The following POU6F2 variants were observed in gnomAD, a reference collection of about 807,000 sequenced individuals.
The protein encoded by POU6F2 is POU class 6 homeobox 2, also known as POU domain, class 6, transcription factor 2.
In POU6F2, 31 loss-of-function variants were observed where a neutral mutation model predicts 71.3. The observed-to-expected ratio is 0.43, with a 90% CI of 0.33 to 0.59. The LOEUF is 0.59. Among genes scored for constraint, POU6F2 ranks in the 20% least tolerant of loss-of-function variants. The pLI, the probability that POU6F2 is intolerant of heterozygous loss-of-function variation, is 0.04. For synonymous variants in POU6F2, 347 were observed against 355.7 expected (o/e 0.98, Z 0.27); for missense variants, 783 against 856.8 (o/e 0.91, Z 1.07).
At chr7:39,088,250 T>C (rs1312073195) in intron 2 of POU6F2, among the ~76,000 whole-genome samples, 4 of 151,680 alleles carry the variant, frequency 2.6e-5, no homozygotes, top group Non-Finnish European at 2.9e-5. Flanking sequence ...AAAGAAAGAA[T>C]AGAAAGGATC....
At chr7:39,183,786 A>G (rs550476969) in intron 2 of POU6F2, among the ~76,000 whole-genome samples, 11 of 152,342 alleles carry the variant, frequency 7.2e-5, no homozygotes, top group African/African-American at 1.9e-4. Flanking sequence ...ACCTTTTTCT[A>G]TAGCTTCCAT....
chr7:39,393,007 G>A (rs532132570), intron 5 of POU6F2, among the ~76,000 whole-genome samples: 1 of 152,182 alleles, frequency 6.6e-6, no homozygotes, highest in Admixed American at 6.5e-5. Flanking sequence ...TTTTGCTCTT[G>A]GTGAGATTAA....
chr7:39,292,043 A>C (rs955722323), intron 4 of POU6F2, among the ~76,000 whole-genome samples: 4 of 152,022 alleles, frequency 2.6e-5, no homozygotes, highest in South Asian at 2.1e-4. Flanking sequence ...GGGGGAAAAA[A>C]ACTGAGAAGG....
chr7:39,243,353 T>C (rs759737806), intron 4 of POU6F2, among the ~76,000 whole-genome samples: 4 of 152,028 alleles, frequency 2.6e-5, no homozygotes, highest in African/African-American at 9.7e-5. Flanking sequence ...ATACCTCCAC[T>C]GCACCCCCTG....
At chr7:39,181,971 A>C (rs1793444519) in intron 2 of POU6F2, among the ~76,000 whole-genome samples, 1 of 152,136 alleles carries the variant, frequency 6.6e-6, no homozygotes. Context: ...TTCTCTCTTA[A>C]CTACCTCCTC....
chr7:39,262,918 A>G (rs888831715), intron 4 of POU6F2, among the ~76,000 whole-genome samples: 2 of 152,202 alleles, frequency 1.3e-5, no homozygotes, highest in Non-Finnish European at 2.9e-5. Flanking sequence ...TGCTCAGAAA[A>G]TCACCATTTC....
chr7:39,136,409 G>C (rs1395163778), intron 2 of POU6F2, among the ~76,000 whole-genome samples: 1 of 152,146 alleles, frequency 6.6e-6, no homozygotes, highest in Non-Finnish European at 1.5e-5. Flanking sequence ...AACAGTTACA[G>C]ACACTTCTGA....
intron 2 of POU6F2, among the ~76,000 whole-genome samples, chr7:39,111,520 G>A (rs192629810): frequency 4.6e-5 from 7 of 152,074 alleles, no homozygotes; most frequent in African/African-American, 1.7e-4. Context: ...ATGGTTCTCT[G>A]CATAATTCAT....
intron 7 of POU6F2, among the ~76,000 whole-genome samples, chr7:39,440,204 A>G (rs1788364997): frequency 6.6e-6 from 1 of 151,958 alleles, no homozygotes; most frequent in African/African-American, 2.4e-5. Context: ...TATTCTCTGT[A>G]TTTCCTGAAT....
chr7:39,420,358 G>GTGCTAC (rs1485238874), intron 6 of POU6F2, among the ~76,000 whole-genome samples: 1 of 152,212 alleles, frequency 6.6e-6, no homozygotes, highest in Non-Finnish European at 1.5e-5. Context: ...ATGACATAGT[G>GTGCTAC]TGCTACTCCA....
intron 7 of POU6F2, among the ~76,000 whole-genome samples, chr7:39,448,877 G>C (rs1482091348): frequency 6.6e-6 from 1 of 152,180 alleles, no homozygotes; most frequent in Non-Finnish European, 1.5e-5. Context: ...ATAGGGGGTA[G>C]ATTGACATGC....
chr7:39,186,202 CAGT>C (rs1793537294), intron 2 of POU6F2, among the ~76,000 whole-genome samples: 2 of 152,270 alleles, frequency 1.3e-5, no homozygotes, highest in South Asian at 4.1e-4. Context: ...AGCTCATAGT[CAGT>C]AGTGAACTTG....
At position 39,085,840 on chromosome 7, in the gene POU6F2, A is replaced by C. The variant is rs1177820743; in HGVS notation, c.106-20A>C. On this transcript the variant is annotated intron_variant, in intron 1 of 9. Coordinates refer to ENST00000518318, the MANE Select transcript of POU6F2 (RefSeq NM_001370959.1). ...TGCCACTTTTTTTTTCCTCCCCTTC[A>C]CTCTTTTCGCCCATCCTAGGATCCA... The C allele has an allele frequency of 3.7e-6, 6 of 1,611,846 alleles. No individual in the cohort carries two copies. In the East Asian group the frequency reaches 8.9e-5, roughly 24 times the overall value.
intron 1 of POU6F2, among the ~76,000 whole-genome samples, chr7:38,994,827 A>G (rs1316641515): frequency 6.6e-6 from 1 of 152,000 alleles, no homozygotes; most frequent in East Asian, 1.9e-4. Flanking sequence ...GATAAAACCT[A>G]AAAACCTGCC....
Position 39,413,531 on chromosome 7 carries a change from G to T in POU6F2, c.1113+6791G>T, listed in dbSNP as rs1583583249. 2.0e-5 allele frequency among the ~76,000 whole-genome samples: 3 copies of T among 152,026 alleles called. No homozygotes were observed. In the East Asian group the frequency reaches 5.8e-4, roughly 29 times the overall value. On this transcript the variant is annotated intron_variant, in intron 6 of 9. Coordinates refer to ENST00000518318, the MANE Select transcript of POU6F2 (RefSeq NM_001370959.1). ...TTCATATCACCTTGCTTAACTAATGGTTTTGGCCATCTTTCTTTTATAAGC... is the reference window on the plus strand; with the variant it reads ...TTCATATCACCTTGCTTAACTAATGTTTTTGGCCATCTTTCTTTTATAAGC...
At chr7:39,136,246 AT>A (rs1393132176) in intron 2 of POU6F2, among the ~76,000 whole-genome samples, 2 of 152,352 alleles carry the variant, frequency 1.3e-5, no homozygotes, top group African/African-American at 4.8e-5. Flanking sequence ...AAATAAAAAA[AT>A]AAAAAATTTA....
At position 39,205,534 on chromosome 7, in the gene POU6F2, G is replaced by A. The variant is rs181028998; in HGVS notation, c.369+1208G>A. ...CCCCCAAATCTATGACCCATATATG[G>A]TCTGAGAGCTACTTATTTGCCTTCC... On this transcript the variant is annotated intron_variant, in intron 3 of 9. Coordinates refer to ENST00000518318, the MANE Select transcript of POU6F2 (RefSeq NM_001370959.1). 1.6e-3 allele frequency among the ~76,000 whole-genome samples: 237 copies of A among 152,182 alleles called. 1 individual carries two copies. The highest frequency in any genetic ancestry group is 5.3e-3 in the African/African-American group (220 of 41,522).
In POU6F2 at chr7:39,038,630, G is replaced by A. The variant is rs186838756; in HGVS notation, c.106-47230G>A. Among the ~76,000 whole-genome samples, 5 of 152,078 alleles carry A rather than the reference G, an allele frequency of 3.3e-5. No individual in the cohort carries two copies. The East Asian group carries it at 9.7e-4, about 30-fold the overall frequency. ...TATTATAACCTTGGAATTAAGTGCGGTGTTTATTCTTTCTTGTGTATCCCT... is the reference window on the plus strand; with the variant it reads ...TATTATAACCTTGGAATTAAGTGCGATGTTTATTCTTTCTTGTGTATCCCT... On this transcript the variant is annotated intron_variant, in intron 1 of 9. Transcript: ENST00000518318.
At chr7:39,426,749 A>G (rs1438751636) in intron 6 of POU6F2, among the ~76,000 whole-genome samples, 1 of 152,212 alleles carries the variant, frequency 6.6e-6, no homozygotes, top group Non-Finnish European at 1.5e-5. Flanking sequence ...GTAAGGAGAA[A>G]GCTCCCCATG....
Sources: gnomAD v4.1 joint callset for allele counts (sites outside exome capture counted in the v4.1 genomes callset) on GRCh38, gnomAD v4.1.1 for gene constraint, MANE v1.5 for transcripts, NCBI Gene and HGNC (gene_info 2026-07-23, HGNC 2026-07-21) for gene names.